SENP7: variants seen among roughly 807,000 people sequenced by gnomAD.
SENP7 encodes sentrin-specific protease 7.
Under a neutral mutation model 141.2 loss-of-function variants are expected in SENP7, and 64 were observed. The ratio of observed to expected loss-of-function variants is 0.45; its 90% CI spans 0.37 to 0.56. The LOEUF (loss-of-function observed/expected upper bound fraction) is 0.56. SENP7 is among the 20% of genes least tolerant of loss of function. The probability of loss-of-function intolerance (pLI) is 0.00; values close to 1 mark genes in which losing one functional copy is unlikely to be tolerated. For missense variants in SENP7, 1,025 were observed against 1,212.2 expected, an observed-to-expected ratio of 0.85 and a Z score of 2.29; for synonymous variants, 382 against 426.4, an observed-to-expected ratio of 0.90 and a Z score of 1.28.
intron 6 of SENP7, among the ~76,000 whole-genome samples, chr3:101,389,267 C>T (rs13318385): frequency 0.4 from 60,362 of 151,934 alleles, 12,513 homozygotes; most frequent in Admixed American, 0.54. Context: ...CCTTCAAATC[C>T]AGCAAGAGAT....
intron 5 of SENP7, among the ~76,000 whole-genome samples, chr3:101,408,440 C>T (rs1024843866): frequency 2.6e-5 from 4 of 152,098 alleles, no homozygotes; most frequent in African/African-American, 9.7e-5. Context: ...CCCATGAAGA[C>T]AGCATCACCT....
At chr3:101,468,505 A>C (rs2063848865) in intron 3 of SENP7, among the ~76,000 whole-genome samples, 1 of 152,208 alleles carries the variant, frequency 6.6e-6, no homozygotes, top group Non-Finnish European at 1.5e-5. Flanking sequence ...CTAATGGTGG[A>C]TCTCTCGGAA....
intron 6 of SENP7, among the ~76,000 whole-genome samples, chr3:101,385,807 G>C (rs1329516719): frequency 6.6e-6 from 1 of 152,150 alleles, no homozygotes; most frequent in Non-Finnish European, 1.5e-5. Context: ...AGACTAAATG[G>C]AGAAGGTCCA....
At chr3:101,374,565 G>A (rs1362061224) in intron 6 of SENP7, among the ~76,000 whole-genome samples, 1 of 151,612 alleles carries the variant, frequency 6.6e-6, no homozygotes, top group Non-Finnish European at 1.5e-5. Flanking sequence ...AGAACAGCCT[G>A]GGGAACATAA....
In SENP7 at chr3:101,367,856, A is replaced by T; in HGVS notation, c.952T>A (p.Ser318Thr). The T allele has an allele frequency of 6.2e-7, 1 of 1,604,496 alleles. No homozygotes were observed. Among genetic ancestry groups the T allele is most frequent in the South Asian group, 1.1e-5 (1 of 90,510 alleles). Residue 318 changes from serine (S) to threonine (T), a missense_variant, in exon 8 of 24, where the codon TCT becomes ACT. Coordinates refer to ENST00000394095, the MANE Select transcript of SENP7 (RefSeq NM_020654.5). ...GTCTGTTCTGTTGACTTATCCAAAG[A>T]AGTACAATATTGAGAATCAGGTAAA... is the stretch of plus-strand genomic sequence containing the variant. ...NNLPDSQYCT[S>T]LDKSTEQTKK...
intron 4 of SENP7, among the ~76,000 whole-genome samples, chr3:101,443,293 T>C (rs2062753418): frequency 6.6e-6 from 1 of 152,218 alleles, no homozygotes; most frequent in South Asian, 2.1e-4. Flanking sequence ...GGCTCTGTTC[T>C]GTTCCATTGA....
At chr3:101,513,019 GCTGCCGC>G (rs71625584) in intron 1 of SENP7, 65 bp downstream of exon 1, 44,279 of 1,540,414 alleles carry the variant, frequency 0.029, 1,156 homozygotes, top group South Asian at 0.11. Flanking sequence ...CGCAACCCCA[GCTGCCGC>G]CTGCGCCTCC....
At chr3:101,450,348 C>T (rs1369637301) in intron 4 of SENP7, among the ~76,000 whole-genome samples, 3 of 152,314 alleles carry the variant, frequency 2.0e-5, no homozygotes, top group Non-Finnish European at 4.4e-5. Flanking sequence ...GAACTCAGCT[C>T]TGCACCAAGC....
chr3:101,475,240 A>C (rs1191055458), intron 3 of SENP7, among the ~76,000 whole-genome samples: 1 of 152,240 alleles, frequency 6.6e-6, no homozygotes, highest in Non-Finnish European at 1.5e-5. Flanking sequence ...TTTATTATAA[A>C]GATACATGCA....
Position 101,504,436 on chromosome 3 carries a change from G to A in SENP7, c.41-3317C>T, listed in dbSNP as rs1475588888. ...ATCACACCATTGCACTCCATCCTAG[G>A]CAACGAGGGCAAAATTCCATCTCAA... On this transcript the variant is annotated intron_variant, in intron 1 of 23. Coordinates refer to ENST00000394095, the MANE Select transcript of SENP7 (RefSeq NM_020654.5). Among the ~76,000 whole-genome samples the A allele has an allele frequency of 2.5e-5, 3 of 120,098 alleles. No homozygotes were observed. The East Asian group carries it at 8.0e-4, about 32-fold the overall frequency. The allele number at this position is 120,098 out of a possible 152,430, so 78.8% of individuals were successfully genotyped here. A position where few individuals can be genotyped will look rare whatever the true frequency, so the allele number is the denominator to read the frequency against.
chr3:101,426,083 T>C (rs892654081), intron 4 of SENP7, among the ~76,000 whole-genome samples: 2 of 152,152 alleles, frequency 1.3e-5, no homozygotes, highest in Non-Finnish European at 2.9e-5. Flanking sequence ...ATGGAAAACA[T>C]ATTTCTGAAT....
At chr3:101,434,948 C>G (rs542640243) in intron 4 of SENP7, among the ~76,000 whole-genome samples, 1 of 152,000 alleles carries the variant, frequency 6.6e-6, no homozygotes, top group East Asian at 1.9e-4. Context: ...AACACCAAAA[C>G]CAAACAAAGA....
intron 4 of SENP7, among the ~76,000 whole-genome samples, chr3:101,440,703 AAAAG>A (rs1358152785): frequency 6.6e-6 from 1 of 152,090 alleles, no homozygotes; most frequent in East Asian, 1.9e-4. Flanking sequence ...CAAAACCAGA[AAAAG>A]ACAGCACAAG....
chr3:101,474,723 A>G (rs1480857972), intron 3 of SENP7, among the ~76,000 whole-genome samples: 1 of 152,108 alleles, frequency 6.6e-6, no homozygotes, highest in African/African-American at 2.4e-5. Flanking sequence ...ATGTTGAATA[A>G]GAGTGATGAC....
At chr3:101,510,591 G>A (rs1309885695) in intron 1 of SENP7, among the ~76,000 whole-genome samples, 1 of 151,988 alleles carries the variant, frequency 6.6e-6, no homozygotes, top group Non-Finnish European at 1.5e-5. Context: ...GGTGGCTCAC[G>A]CCTGTAATTC....
At chr3:101,476,583 G>C (rs945190625) in intron 3 of SENP7, among the ~76,000 whole-genome samples, 1 of 152,132 alleles carries the variant, frequency 6.6e-6, no homozygotes, top group Non-Finnish European at 1.5e-5. Flanking sequence ...CTTTATAGTA[G>C]AACCATTTAT....
At chr3:101,344,043 T>C (rs1290419453) in intron 13 of SENP7, 89 bp from the exon 14 acceptor site, 4 of 931,896 alleles carry the variant, frequency 4.3e-6, no homozygotes, top group Non-Finnish European at 6.2e-6. Context: ...AATAGTAAGG[T>C]TGGAATATAA....
chr3:101,337,882 C>T (rs565574460), intron 16 of SENP7, among the ~76,000 whole-genome samples: 50 of 152,206 alleles, frequency 3.3e-4, no homozygotes, highest in Non-Finnish European at 6.0e-4. Context: ...TGGCCAGGCA[C>T]GGTGGCTCAC....
chr3:101,512,167 T>A (rs1190861681), intron 1 of SENP7, among the ~76,000 whole-genome samples: 1 of 152,166 alleles, frequency 6.6e-6, no homozygotes, highest in African/African-American at 2.4e-5. Context: ...AACGGTACCA[T>A]CAGAAACAGA....
Sources: allele counts gnomAD v4.1 joint callset (sites outside exome capture counted in the v4.1 genomes callset), GRCh38; gene constraint gnomAD v4.1.1; transcripts MANE v1.5; gene names NCBI Gene and HGNC (gene_info 2026-07-23, HGNC 2026-07-21).